CTSH: variants seen among roughly 807,000 people sequenced by gnomAD.
CTSH encodes the protein pro-cathepsin H.
Under a neutral mutation model 56.3 loss-of-function variants are expected in CTSH, and 52 were observed. That is an observed-to-expected ratio of 0.92 (90% CI 0.74 to 1.16). CTSH has a LOEUF of 1.16. CTSH is among the 50% of genes most tolerant of loss of function. CTSH has a pLI of 0.00. For synonymous variants in CTSH, 174 were observed against 155.7 expected, an observed-to-expected ratio of 1.12 and a Z score of -0.88; for missense variants, 406 against 424.5, an observed-to-expected ratio of 0.96 and a Z score of 0.38.
At chr15:78,935,781 A>C (rs1172200214) in intron 3 of CTSH, 31 bp from the exon 4 acceptor site, 1 of 1,529,966 alleles carries the variant, frequency 6.5e-7, no homozygotes, top group East Asian at 2.3e-5. Flanking sequence ...ACCAAAACAG[A>C]AATGGTTAGT....
Position 78,935,666 on chromosome 15 carries a change from T to C in CTSH, c.300+14A>G. 5 of 1,591,136 alleles carry C rather than the reference T, an allele frequency of 3.1e-6. No individual in the cohort carries two copies. Among genetic ancestry groups the C allele is most frequent in the Non-Finnish European group, 4.3e-6 (5 of 1,163,902 alleles). ...TAAAAGGATTCAGATTTGGTTGCAA[T>C]GAATTATACCTACCTGAGGCTCTGA... On this transcript the variant is annotated intron_variant, in intron 4 of 11. Transcript: ENST00000220166.
At chr15:78,931,784 G>A in intron 6 of CTSH, 1 of 1,377,234 alleles carries the variant, frequency 7.3e-7, no homozygotes, top group Non-Finnish European at 9.4e-7. Context: ...TGCCCCGTAG[G>A]TGTGCCCATA....
rs780573628 is a variant in CTSH at position 78,925,357 on chromosome 15, C to T, written c.783G>A (p.Met261Ile). ...ACCTGGAGTAGATGCCGGTTCTATA[C>T]ATCATGAAGTCCTGAGTCACCTCAA... ...FAFEVTQDFM[M>I]YRTGIYSSTS... The change falls in exon 10 of 12, where the codon ATG becomes ATA. Residue 261 changes from methionine (M) to isoleucine (I), a missense_variant. Coordinates refer to ENST00000220166, the MANE Select transcript of CTSH (RefSeq NM_004390.5). 4 of 1,612,868 alleles carry T rather than the reference C, an allele frequency of 2.5e-6. No individual in the cohort carries two copies. Among genetic ancestry groups the T allele is most frequent in the South Asian group, 1.1e-5 (1 of 91,062 alleles).
intron 3 of CTSH, 93 bp downstream of exon 3, chr15:78,937,225 G>C (rs1057239436): frequency 8.1e-6 from 8 of 985,312 alleles, no homozygotes; most frequent in Non-Finnish European, 6.4e-6. Flanking sequence ...CTGGGCTTCT[G>C]CTCCCTCCAC....
Position 78,932,410 on chromosome 15 carries a change from A to G in CTSH, c.454T>C (p.Ser152Pro), listed in dbSNP as rs773846126. The stretch of plus-strand genomic sequence containing the variant: ...TTTCCGGTTGCGATGGCGATCGCAG[A>G]CTCCAGGGCCCCAGTGGTGGAGAAA... Reference protein sequence around the residue: ...WTFSTTGALESAIAIATGKML... With the variant: ...WTFSTTGALEPAIAIATGKML... The change falls in exon 6 of 12, where the codon TCT becomes CCT. Residue 152 changes from serine (S) to proline (P), a missense_variant. Physicochemically the swap from Ser to Pro is moderately conservative, Grantham distance 74. Transcript: ENST00000220166. 1 of 1,614,012 alleles carries G rather than the reference A, an allele frequency of 6.2e-7. No homozygotes were observed. Among genetic ancestry groups the G allele is most frequent in the African/African-American group, 1.3e-5 (1 of 74,980 alleles).
chr15:78,939,053 C>A, intron 2 of CTSH, 87 bp downstream of exon 2: 2 of 1,267,392 alleles, frequency 1.6e-6, no homozygotes, highest in East Asian at 2.4e-5. Flanking sequence ...TTCCCTTTTT[C>A]ATTGTCTCAA....
intron 1 of CTSH, among the ~76,000 whole-genome samples, chr15:78,942,719 G>A (rs933418250): frequency 2.0e-5 from 3 of 152,150 alleles, no homozygotes; most frequent in African/African-American, 7.2e-5. Flanking sequence ...CTTGCCTTCA[G>A]GGGCTCTCTC....
chr15:78,931,459 GC>G lies in CTSH; in HGVS notation c.539del (p.Gly180AlafsTer49). The G allele has an allele frequency of 6.2e-7, 1 of 1,614,212 alleles. No homozygotes were observed. On this transcript the variant is annotated frameshift_variant, in exon 7 of 12. Coordinates refer to ENST00000220166, the MANE Select transcript of CTSH (RefSeq NM_004390.5). LOFTEE classifies it high-confidence loss of function. ...VDCAQDFNNH[G>X]CQGGLPSQAF... Reference sequence around the variant, plus strand: ...TCTGGTCAGAGACGTACCCTTGGCAGCCGTGATTATTGAAGTCCTGGGCGCA... The same window carrying G: ...TCTGGTCAGAGACGTACCCTTGGCAGCGTGATTATTGAAGTCCTGGGCGCA...
chr15:78,939,657 G>A (rs1327076552), intron 1 of CTSH, among the ~76,000 whole-genome samples: 3 of 152,196 alleles, frequency 2.0e-5, no homozygotes, highest in Non-Finnish European at 4.4e-5. Context: ...GGAGGCCGAG[G>A]TGGGCCGATT....
intron 7 of CTSH, among the ~76,000 whole-genome samples, chr15:78,930,842 A>G (rs1423745223): frequency 1.3e-5 from 2 of 152,232 alleles, no homozygotes; most frequent in Non-Finnish European, 2.9e-5. Context: ...CGGCACCCCA[A>G]GAGCCTGGCT....
intron 5 of CTSH, among the ~76,000 whole-genome samples, chr15:78,934,515 G>A (rs2055131938): frequency 6.6e-6 from 1 of 152,342 alleles, no homozygotes; most frequent in African/African-American, 2.4e-5. Flanking sequence ...CAAGGGCCAC[G>A]GAGGCCAGCC....
At chr15:78,926,995 C>T (rs969271314) in intron 9 of CTSH, 2 of 152,308 alleles carry the variant, frequency 1.3e-5, no homozygotes, top group African/African-American at 4.8e-5. Flanking sequence ...TGGGCGCACA[C>T]ACAACCTAAG....
intron 7 of CTSH, among the ~76,000 whole-genome samples, chr15:78,929,963 CT>C (rs1681451388): frequency 6.6e-6 from 1 of 152,312 alleles, no homozygotes; most frequent in African/African-American, 2.4e-5. Context: ...AAAAGTGGGT[CT>C]TTTCTACATC....
chr15:78,933,880 C>T (rs1443668290), intron 5 of CTSH, among the ~76,000 whole-genome samples: 1 of 152,238 alleles, frequency 6.6e-6, no homozygotes, highest in Non-Finnish European at 1.5e-5. Context: ...CACACATCTG[C>T]GTCAGGAAGC....
At chr15:78,923,541 G>A (rs1045614778) in intron 10 of CTSH, among the ~76,000 whole-genome samples, 1 of 152,108 alleles carries the variant, frequency 6.6e-6, no homozygotes, top group African/African-American at 2.4e-5. Flanking sequence ...CACCCACCTC[G>A]GCCTCCCAAA....
intron 1 of CTSH, among the ~76,000 whole-genome samples, chr15:78,942,505 G>A (rs546510021): frequency 4.6e-5 from 7 of 152,294 alleles, no homozygotes; most frequent in African/African-American, 9.6e-5. Context: ...GAGCCCCCAC[G>A]CCTGGCCTCA....
intron 5 of CTSH, among the ~76,000 whole-genome samples, chr15:78,933,121 A>G (rs1368447893): frequency 6.6e-6 from 1 of 152,090 alleles, no homozygotes; most frequent in East Asian, 1.9e-4. Flanking sequence ...CTAACAGTTC[A>G]TTGCCGCTGC....
intron 11 of CTSH, 77 bp from the exon 12 acceptor site, chr15:78,922,282 C>T: frequency 8.4e-7 from 1 of 1,187,176 alleles, no homozygotes; most frequent in South Asian, 1.3e-5. Flanking sequence ...TGCTGCTCAC[C>T]AAGAGCTGAC....
intron 7 of CTSH, among the ~76,000 whole-genome samples, chr15:78,930,564 AT>A (rs1163733439): frequency 2.1e-5 from 3 of 144,648 alleles, no homozygotes; most frequent in Admixed American, 6.9e-5. Context: ...AAATAAATAA[AT>A]AAATAAAAAA....
Sources: allele counts gnomAD v4.1 joint callset (sites outside exome capture counted in the v4.1 genomes callset), GRCh38; gene constraint gnomAD v4.1.1; transcripts MANE v1.5; gene names NCBI Gene and HGNC (gene_info 2026-07-23, HGNC 2026-07-21).